NBAS: variants seen among roughly 807,000 people sequenced by gnomAD.
The protein encoded by NBAS is NAG/BC035112 fusion.
NBAS carries 219 observed loss-of-function variants against 302.5 expected under a neutral mutation model. That is an observed-to-expected ratio of 0.72 (90% CI 0.65 to 0.81). NBAS has a LOEUF of 0.81. Among genes scored for constraint, NBAS ranks in the 30% least tolerant of loss-of-function variants. The pLI, the probability that NBAS is intolerant of heterozygous loss-of-function variation, is 0.00. For missense variants in NBAS, 2,932 were observed against 2,841.6 expected (o/e 1.03, Z -0.72); for synonymous variants, 1,118 against 1,021.6 (o/e 1.09, Z -1.80).
At chr2:15,131,564 T>C in the NBAS span, among the ~76,000 whole-genome samples, 1 of 152,216 alleles carries the variant, frequency 6.6e-6, no homozygotes, top group Non-Finnish European at 1.5e-5. Flanking sequence ...ATGGTAAGCA[T>C]GAATTATTTT....
chr2:14,915,190 G>T, the NBAS span, among the ~76,000 whole-genome samples: 2 of 152,286 alleles, frequency 1.3e-5, no homozygotes, highest in East Asian at 3.9e-4. Context: ...TTTTTTAGAT[G>T]CTTAGCTTAT....
At chr2:14,937,166 C>T in the NBAS span, among the ~76,000 whole-genome samples, 1 of 152,176 alleles carries the variant, frequency 6.6e-6, no homozygotes, top group African/African-American at 2.4e-5. Context: ...AAGCCCCCAT[C>T]TCTGAGGGTT....
At chr2:15,558,509 C>T in intron 2 of NBAS, 71 bp downstream of exon 2, 3 of 1,220,486 alleles carry the variant, frequency 2.5e-6, no homozygotes, top group Non-Finnish European at 1.2e-6. Context: ...TTAGGCTCCA[C>T]ATCAGAAGTC....
chr2:15,522,525 G>C (rs142598875), intron 9 of NBAS, among the ~76,000 whole-genome samples: 173 of 152,286 alleles, frequency 1.1e-3, no homozygotes, highest in African/African-American at 4.0e-3. Context: ...CTGTGGCCTA[G>C]GAGTAACTTC....
the NBAS span, among the ~76,000 whole-genome samples, chr2:15,056,653 G>C: frequency 2.6e-5 from 4 of 152,118 alleles, no homozygotes; most frequent in Admixed American, 2.6e-4. Flanking sequence ...TTTGGCAAAG[G>C]CTGGCTGTGT....
At chr2:14,849,088 C>T in the NBAS span, among the ~76,000 whole-genome samples, 16 of 149,682 alleles carry the variant, frequency 1.1e-4, no homozygotes, top group East Asian at 2.0e-4. Context: ...ATGATTTTGA[C>T]GAGCTGAGAG....
rs1017478895 is a variant in NBAS, at chr2:15,473,737, ACTT to A, written c.1599+327_1599+329del. On this transcript the variant is annotated intron_variant, in intron 15 of 51. Coordinates refer to ENST00000281513, the MANE Select transcript of NBAS (RefSeq NM_015909.4). ...GCCCTGGACTAGAAAGCAAGTCTGA[ACTT>A]CTTCCTTCACCCTCTGTAGATGGCT... is the stretch of plus-strand genomic sequence containing the variant. 1.2e-3 allele frequency among the ~76,000 whole-genome samples: 190 copies of A among 152,254 alleles called. 2 individuals carry two copies. Among genetic ancestry groups the A allele is most frequent in the African/African-American group, 3.9e-3 (163 of 41,546 alleles).
the NBAS span, among the ~76,000 whole-genome samples, chr2:14,888,737 C>T: frequency 2.0e-5 from 3 of 152,108 alleles, no homozygotes; most frequent in Non-Finnish European, 4.4e-5. Context: ...CCATTCACTA[C>T]GATGTTTTAT....
chr2:15,333,190 TGA>T (rs987665049), intron 35 of NBAS, among the ~76,000 whole-genome samples: 62 of 152,124 alleles, frequency 4.1e-4, no homozygotes, highest in Middle Eastern at 6.8e-3. Flanking sequence ...GGGAAAAAAT[TGA>T]GAGTTTCCAG....
At chr2:14,939,675 T>C in the NBAS span, among the ~76,000 whole-genome samples, 1 of 152,236 alleles carries the variant, frequency 6.6e-6, no homozygotes, top group Non-Finnish European at 1.5e-5. Context: ...AACTAAGTAA[T>C]CTGAACCCAG....
chr2:15,093,245 G>A, the NBAS span, among the ~76,000 whole-genome samples: 16 of 152,140 alleles, frequency 1.1e-4, no homozygotes, highest in Middle Eastern at 6.8e-3. Flanking sequence ...GTAAAACCCC[G>A]TCTCTACTAA....
the NBAS span, among the ~76,000 whole-genome samples, chr2:15,018,820 G>A: frequency 1.3e-5 from 2 of 151,826 alleles, no homozygotes; most frequent in African/African-American, 2.4e-5. Context: ...AGATAAAAAC[G>A]CTTTTCTTTT....
At chr2:14,795,301 A>G in the NBAS span, among the ~76,000 whole-genome samples, 1 of 152,204 alleles carries the variant, frequency 6.6e-6, no homozygotes, top group Admixed American at 6.5e-5. Context: ...TAATATGTGT[A>G]TGGTAATATC....
At chr2:14,956,387 C>T in the NBAS span, among the ~76,000 whole-genome samples, 1 of 152,154 alleles carries the variant, frequency 6.6e-6, no homozygotes, top group Non-Finnish European at 1.5e-5. Context: ...CTTCTGAGCC[C>T]TCCAAACTGT....
chr2:15,235,970 GT>G (rs1279437219), intron 45 of NBAS, among the ~76,000 whole-genome samples: 16 of 152,274 alleles, frequency 1.1e-4, no homozygotes, highest in Admixed American at 9.8e-4. Flanking sequence ...GAGGATATAA[GT>G]TTTTTTGTAC....
At chr2:14,943,749 C>A in the NBAS span, among the ~76,000 whole-genome samples, 21 of 152,224 alleles carry the variant, frequency 1.4e-4, no homozygotes, top group East Asian at 4.0e-3. Context: ...AACTTTGTTT[C>A]TTTTATTATG....
At chr2:15,441,747 G>A (rs1235433096) in intron 21 of NBAS, among the ~76,000 whole-genome samples, 7 of 152,086 alleles carry the variant, frequency 4.6e-5, no homozygotes, top group Admixed American at 3.9e-4. Flanking sequence ...TCAGTGTGCT[G>A]TATTCAGGAA....
intron 31 of NBAS, among the ~76,000 whole-genome samples, chr2:15,367,744 AAAG>A (rs1674280446): frequency 6.6e-6 from 1 of 152,196 alleles, no homozygotes; most frequent in African/African-American, 2.4e-5. Context: ...CGGGGGAGAT[AAAG>A]AAGAGAGGTG....
At chr2:15,511,982 C>A (rs184684030) in intron 9 of NBAS, among the ~76,000 whole-genome samples, 123 of 152,164 alleles carry the variant, frequency 8.1e-4, no homozygotes, top group African/African-American at 2.9e-3. Context: ...TAATTAATAA[C>A]GAAACCCCAA....
Sources: gnomAD v4.1 joint callset for allele counts (sites outside exome capture counted in the v4.1 genomes callset) on GRCh38, gnomAD v4.1.1 for gene constraint, MANE v1.5 for transcripts, NCBI Gene and HGNC (gene_info 2026-07-23, HGNC 2026-07-21) for gene names.